The following ROBO2 variants were observed in gnomAD, a reference collection of about 807,000 sequenced individuals.
ROBO2 encodes roundabout guidance receptor 2.
Under a neutral mutation model 160.8 loss-of-function variants are expected in ROBO2, and 53 were observed. The ratio of observed to expected loss-of-function variants is 0.33; its 90% CI spans 0.26 to 0.41. The LOEUF is 0.41. ROBO2 is among the 10% of genes least tolerant of loss of function. The pLI is 1.00. For missense variants in ROBO2, 1,577 were observed against 1,722.4 expected (o/e 0.92, Z 1.49); for synonymous variants, 664 against 611.7 (o/e 1.09, Z -1.26).
At chr3:76,288,155 A>T (rs1040888600) in intron 2 of ROBO2, among the ~76,000 whole-genome samples, 1 of 126,612 alleles carries the variant, frequency 7.9e-6, no homozygotes, top group Non-Finnish European at 1.6e-5. Context: ...AAATTATTTA[A>T]AAACTAAACT....
chr3:77,048,735 T>A (rs1203822300), intron 1 of ROBO2, among the ~76,000 whole-genome samples: 1 of 152,232 alleles, frequency 6.6e-6, no homozygotes, highest in East Asian at 1.9e-4. Context: ...CTTTTTATAA[T>A]TATCCATTAG....
At chr3:76,510,775 A>C (rs2081047316) in intron 2 of ROBO2, among the ~76,000 whole-genome samples, 3 of 152,152 alleles carry the variant, frequency 2.0e-5, no homozygotes, top group Non-Finnish European at 4.4e-5. Context: ...AATGAAAAAC[A>C]GAAAAACACT....
chr3:77,409,416 T>C (rs1244184894), intron 2 of ROBO2, among the ~76,000 whole-genome samples: 2 of 152,078 alleles, frequency 1.3e-5, no homozygotes, highest in African/African-American at 2.4e-5. Context: ...GTTTGGGTTA[T>C]TTAGTGAATT....
intron 2 of ROBO2, among the ~76,000 whole-genome samples, chr3:76,896,179 T>C (rs914909035): frequency 6.6e-6 from 1 of 152,204 alleles, no homozygotes; most frequent in African/African-American, 2.4e-5. Flanking sequence ...ACACATTATA[T>C]AGACTATCAA....
intron 2 of ROBO2, among the ~76,000 whole-genome samples, chr3:76,251,599 C>T (rs1211236134): frequency 2.0e-5 from 3 of 152,102 alleles, no homozygotes; most frequent in Admixed American, 1.3e-4. Flanking sequence ...TTATTTTTAG[C>T]ATCAACTATA....
intron 6 of ROBO2, among the ~76,000 whole-genome samples, chr3:77,536,375 T>TCTCTCTCTCTTTCC (rs1491285383): frequency 6.6e-6 from 1 of 151,860 alleles, no homozygotes; most frequent in Non-Finnish European, 1.5e-5. Flanking sequence ...CAAATTTGTT[T>TCTCTCTCTCTTTCC]CTCTCTCTCT....
chr3:77,119,313 T>A (rs1273586779), intron 2 of ROBO2, among the ~76,000 whole-genome samples: 2 of 152,152 alleles, frequency 1.3e-5, no homozygotes, highest in African/African-American at 4.8e-5. Flanking sequence ...TTGTAAGTAT[T>A]TGTGCACCTA....
In ROBO2 at chr3:77,427,848, G is replaced by T. The variant is rs190581675; in HGVS notation, c.389-49566G>T. On this transcript the variant is annotated intron_variant, in intron 2 of 25. Coordinates refer to ENST00000461745, the Ensembl canonical transcript of ROBO2. ...AATGCAATAAATCATTAAAGATATG[G>T]TTAATAGGGAGAGATAATTTTGACT... 9.9e-5 allele frequency among the ~76,000 whole-genome samples: 15 copies of T among 152,242 alleles called. No individual in the cohort carries two copies. In the East Asian group the frequency reaches 2.9e-3, roughly 29 times the overall value.
chr3:77,277,126 T>C (rs2059883171), intron 2 of ROBO2, among the ~76,000 whole-genome samples: 1 of 151,556 alleles, frequency 6.6e-6, no homozygotes, highest in South Asian at 2.1e-4. Flanking sequence ...GCACCCTTCC[T>C]TCCTTCCTTT....
At chr3:75,928,568 G>A (rs540870891) in intron 1 of ROBO2, among the ~76,000 whole-genome samples, 1 of 152,274 alleles carries the variant, frequency 6.6e-6, no homozygotes, top group Non-Finnish European at 1.5e-5. Context: ...GTTACTTCTT[G>A]ATTTCCTGCC....
Position 77,084,076 on chromosome 3 carries a change from T to C in ROBO2, c.62-13938T>C, listed in dbSNP as rs533449152. ...CTGTTAACTATTGGGTCAGAAATTA[T>C]TAGACAATTCACACTTCTAGTTCAC... On this transcript the variant is annotated intron_variant, in intron 1 of 25. Coordinates refer to ENST00000461745, the Ensembl canonical transcript of ROBO2. Among the ~76,000 whole-genome samples, 7 of 152,226 alleles carry C rather than the reference T, an allele frequency of 4.6e-5. No homozygotes were observed. The East Asian group carries it at 9.7e-4, about 21-fold the overall frequency.
intron 5 of ROBO2, among the ~76,000 whole-genome samples, chr3:77,498,246 TTC>T (rs2087062147): frequency 6.6e-6 from 1 of 152,210 alleles, no homozygotes; most frequent in African/African-American, 2.4e-5. Flanking sequence ...CAATAAGAAC[TTC>T]TCTCTTCCAC....
At chr3:75,939,039 T>G (rs2107041183) in intron 2 of ROBO2, among the ~76,000 whole-genome samples, 1 of 152,248 alleles carries the variant, frequency 6.6e-6, no homozygotes, top group Non-Finnish European at 1.5e-5. Context: ...ATGTGTAAAA[T>G]TACTAAAATG....
intron 2 of ROBO2, among the ~76,000 whole-genome samples, chr3:76,501,468 A>C (rs1190696536): frequency 6.6e-6 from 1 of 152,204 alleles, no homozygotes. Context: ...AATTTCTTTC[A>C]AGGCTAATCA....
intron 2 of ROBO2, among the ~76,000 whole-genome samples, chr3:76,998,288 G>T (rs1484695189): frequency 6.6e-6 from 1 of 152,042 alleles, no homozygotes; most frequent in Non-Finnish European, 1.5e-5. Context: ...CACAGATACT[G>T]AAGATGAGAA....
rs1334650793 is a variant in ROBO2 at position 76,603,342 on chromosome 3, AAAAAAAAAAATATAT to A, written c.110-494670_110-494656del. ...GCGAGACTCCATCTCCAAAAAAAAAAAAAAAAAAAATATATATATATATATATATATATATATATA... is the reference window on the plus strand; with the variant it reads ...GCGAGACTCCATCTCCAAAAAAAAAAATATATATATATATATATATATATA... On this transcript the variant is annotated intron_variant, in intron 2 of 26. Coordinates refer to the ROBO2 transcript ENST00000487694. 1.9e-3 allele frequency among the ~76,000 whole-genome samples: 130 copies of A among 69,294 alleles called. 1 individual carries two copies. Among genetic ancestry groups the A allele is most frequent in the East Asian group, 0.01 (29 of 2,820 alleles). 45.5% of individuals were successfully genotyped at this position (69,294 alleles called of 152,430 possible). A position where few individuals can be genotyped will look rare whatever the true frequency, so the allele number is the denominator to read the frequency against.
chr3:75,989,556 C>T (rs1177518168), intron 2 of ROBO2, among the ~76,000 whole-genome samples: 1 of 151,960 alleles, frequency 6.6e-6, no homozygotes, highest in Non-Finnish European at 1.5e-5. Context: ...TTATAATTTA[C>T]AACAAGAAAA....
chr3:76,094,663 C>A (rs1182575959), intron 2 of ROBO2, among the ~76,000 whole-genome samples: 1 of 152,104 alleles, frequency 6.6e-6, no homozygotes, highest in Non-Finnish European at 1.5e-5. Context: ...TGAAATGAAA[C>A]CTGAAATATT....
At chr3:77,493,271 T>C in exon 5 of ROBO2, 1 of 1,613,992 alleles carries the variant, frequency 6.2e-7, no homozygotes, top group Non-Finnish European at 8.5e-7. Context: ...AGGAGGCCAA[T>C]TAACCAGGTG....
Sources: allele counts gnomAD v4.1 joint callset (sites outside exome capture counted in the v4.1 genomes callset), GRCh38; gene constraint gnomAD v4.1.1; transcripts MANE v1.5; gene names NCBI Gene and HGNC (gene_info 2026-07-23, HGNC 2026-07-21).